Variants in NPAT observed in about 807,000 individuals in gnomAD.
NPAT encodes the protein protein NPAT.
A neutral mutation model predicts 130.7 loss-of-function variants in NPAT; 52 were observed. The observed-to-expected ratio is 0.40, with a 90% confidence interval of 0.32 to 0.50. NPAT has a LOEUF of 0.50. Ranked by LOEUF, NPAT falls within the 20% of genes least tolerant of loss-of-function variation. NPAT has a pLI of 0.68. For synonymous variants in NPAT, 580 were observed against 584.8 expected, an observed-to-expected ratio of 0.99 and a Z score of 0.12; for missense variants, 1,687 against 1,662.6, an observed-to-expected ratio of 1.01 and a Z score of -0.26.
intron 7 of NPAT, among the ~76,000 whole-genome samples, chr11:108,187,339 C>T (rs1238009927): frequency 6.6e-6 from 1 of 152,114 alleles, no homozygotes; most frequent in East Asian, 1.9e-4. Flanking sequence ...GTGCTGCTGG[C>T]TACTGGGGAG....
intron 6 of NPAT, 55 bp from the exon 7 acceptor site, chr11:108,188,234 C>T (rs1469171161): frequency 3.2e-6 from 4 of 1,267,708 alleles, no homozygotes; most frequent in African/African-American, 1.5e-5. Context: ...GTTTTCTAAA[C>T]TTGTAATGGG....
intron 8 of NPAT, 72 bp downstream of exon 8, chr11:108,186,409 TA>T (rs1243889372): frequency 8.2e-6 from 9 of 1,093,212 alleles, no homozygotes; most frequent in African/African-American, 1.5e-5. Context: ...CACACATACA[TA>T]CATTTGTGTA....
chr11:108,182,061 ACT>A (rs1162261049), intron 10 of NPAT, among the ~76,000 whole-genome samples: 1 of 152,056 alleles, frequency 6.6e-6, no homozygotes, highest in Non-Finnish European at 1.5e-5. Context: ...GACTGGAGAC[ACT>A]CATTCCAGCA....
chr11:108,182,783 C>T (rs2078069652), intron 10 of NPAT, among the ~76,000 whole-genome samples: 1 of 152,238 alleles, frequency 6.6e-6, no homozygotes, highest in Non-Finnish European at 1.5e-5. Context: ...AGCCACCACA[C>T]CCAGCTAAAT....
chr11:108,205,966 A>G (rs2078321229), intron 1 of NPAT, among the ~76,000 whole-genome samples: 1 of 152,166 alleles, frequency 6.6e-6, no homozygotes, highest in Non-Finnish European at 1.5e-5. Flanking sequence ...AATCTCTTGA[A>G]CTGGGGAGGC....
intron 1 of NPAT, among the ~76,000 whole-genome samples, chr11:108,198,360 T>C (rs1280859915): frequency 1.3e-5 from 2 of 152,166 alleles, no homozygotes; most frequent in Non-Finnish European, 1.5e-5. Flanking sequence ...ATCCAGACAT[T>C]AGACTTGAGA....
chr11:108,188,464 T>G (rs2078130483), intron 6 of NPAT, among the ~76,000 whole-genome samples: 1 of 152,154 alleles, frequency 6.6e-6, no homozygotes, highest in African/African-American at 2.4e-5. Flanking sequence ...ATTCTGGGTG[T>G]AGAAAAGGAT....
intron 1 of NPAT, among the ~76,000 whole-genome samples, chr11:108,199,490 G>A (rs1480131772): frequency 6.6e-6 from 1 of 152,310 alleles, no homozygotes; most frequent in South Asian, 2.1e-4. Flanking sequence ...ATTTCTGGAG[G>A]CTTGTCTGGG....
chr11:108,221,766 AAAC>A (rs1044271730), intron 1 of NPAT, among the ~76,000 whole-genome samples: 1 of 152,170 alleles, frequency 6.6e-6, no homozygotes, highest in South Asian at 2.1e-4. Flanking sequence ...TTCAGGGGAC[AAAC>A]AACAACAAAA....
chr11:108,182,006 C>G (rs1447633469), intron 10 of NPAT, among the ~76,000 whole-genome samples: 1 of 152,092 alleles, frequency 6.6e-6, no homozygotes, highest in Non-Finnish European at 1.5e-5. Flanking sequence ...CTCAGTTTGT[C>G]CAGGATATGC....
intron 2 of NPAT, among the ~76,000 whole-genome samples, chr11:108,195,260 T>C (rs1001213262): frequency 6.6e-6 from 1 of 152,238 alleles, no homozygotes; most frequent in East Asian, 1.9e-4. Context: ...CATGTCATAA[T>C]CATGTCAAAC....
At chr11:108,210,144 T>C (rs1254442985) in intron 1 of NPAT, among the ~76,000 whole-genome samples, 1 of 150,692 alleles carries the variant, frequency 6.6e-6, no homozygotes, top group Non-Finnish European at 1.5e-5. Context: ...TTACTATCAA[T>C]ATTATAGAAA....
At chr11:108,197,689 C>T (rs917306739) in intron 1 of NPAT, among the ~76,000 whole-genome samples, 1 of 152,214 alleles carries the variant, frequency 6.6e-6, no homozygotes, top group Non-Finnish European at 1.5e-5. Context: ...ACAGTACTTA[C>T]AGGAGAACCA....
rs149468921 is a variant in NPAT, at chr11:108,193,658, G to C, written c.217+299C>G. ...GAGAATCGCTTGAATCCAGGAGCTG[G>C]AGGTTGCAGTGAGCTGAGATTACGC... is the stretch of plus-strand genomic sequence containing the variant. On this transcript the variant is annotated intron_variant, in intron 3 of 17. Transcript: ENST00000278612. Among the ~76,000 whole-genome samples, 907 of 152,208 alleles carry C rather than the reference G, an allele frequency of 6.0e-3. 10 individuals are homozygous for C. The highest frequency in any genetic ancestry group is 0.021 in the African/African-American group (860 of 41,530).
rs76065079 is a variant in NPAT at position 108,196,193 on chromosome 11, G to C, written c.156+1109C>G. Among the ~76,000 whole-genome samples, 1,179 of 152,288 alleles carry C rather than the reference G, an allele frequency of 7.7e-3. 10 individuals carry two copies. The highest frequency in any genetic ancestry group is 0.024 in the African/African-American group (1,009 of 41,544). ...TCTTTTTCTACATATGGATGTCTGA[G>C]TGTTCCAGCAACATTTGTTGATAAG... is the stretch of plus-strand genomic sequence containing the variant. On this transcript the variant is annotated intron_variant, in intron 2 of 17. Coordinates refer to ENST00000278612, the MANE Select transcript of NPAT (RefSeq NM_002519.3).
intron 10 of NPAT, among the ~76,000 whole-genome samples, chr11:108,183,335 G>A (rs1452761976): frequency 6.6e-6 from 1 of 152,120 alleles, no homozygotes; most frequent in South Asian, 2.1e-4. Flanking sequence ...AGAAGTACTG[G>A]TAGAACTGAC....
At position 108,157,349 on chromosome 11, in the gene NPAT, T is replaced by G. The variant is rs1310482531; in HGVS notation, c.*1593A>C. On this transcript the variant is annotated 3_prime_UTR_variant, in exon 18 of 18. Coordinates refer to ENST00000278612, the MANE Select transcript of NPAT (RefSeq NM_002519.3). ...AGAACTGACTTGCAAAGGAATTTAA[T>G]CAGTTTCTAAACAAGACTGCCAATG... is the stretch of plus-strand genomic sequence containing the variant. 1 of 152,210 alleles carries G rather than the reference T, an allele frequency of 6.6e-6. No individual in the cohort carries two copies. Among genetic ancestry groups the G allele is most frequent in the East Asian group, 1.9e-4 (1 of 5,202 alleles). The allele number at this position is 152,210 out of a possible 1,614,324, so 9.4% of individuals were successfully genotyped here.
intron 1 of NPAT, among the ~76,000 whole-genome samples, chr11:108,209,443 G>A (rs1381135782): frequency 6.6e-6 from 1 of 152,000 alleles, no homozygotes; most frequent in Non-Finnish European, 1.5e-5. Context: ...AATTAGGTAG[G>A]TGTGCTGGCA....
chr11:108,190,010 A>T (rs115579523), intron 5 of NPAT, among the ~76,000 whole-genome samples: 1,959 of 151,628 alleles, frequency 0.013, 53 homozygotes, highest in African/African-American at 0.044. Flanking sequence ...ACATAACTGT[A>T]CTTAGAAAAA....
Sources: allele counts gnomAD v4.1 joint callset (sites outside exome capture counted in the v4.1 genomes callset), GRCh38; gene constraint gnomAD v4.1.1; transcripts MANE v1.5; gene names NCBI Gene and HGNC (gene_info 2026-07-23, HGNC 2026-07-21).